Variants in MAP3K21 observed in about 807,000 individuals in gnomAD.
MAP3K21 encodes mitogen-activated protein kinase kinase kinase 21.
In MAP3K21, 63 loss-of-function variants were observed where a neutral mutation model predicts 86.1. The ratio of observed to expected loss-of-function variants is 0.73; its 90% CI spans 0.60 to 0.90. The LOEUF (loss-of-function observed/expected upper bound fraction) is 0.90. MAP3K21 is among the 40% of genes least tolerant of loss of function. The pLI, the probability that MAP3K21 is intolerant of heterozygous loss-of-function variation, is 0.00. For missense variants in MAP3K21, 1,220 were observed against 1,367.7 expected (o/e 0.89, Z 1.70); for synonymous variants, 558 against 564.8 (o/e 0.99, Z 0.17).
chr1:233,380,610 A>G (rs562003376), intron 9 of MAP3K21, among the ~76,000 whole-genome samples: 2 of 152,362 alleles, frequency 1.3e-5, no homozygotes, highest in South Asian at 4.1e-4. Flanking sequence ...AATCTCTGAA[A>G]GAAAAGAAAA....
chr1:233,342,295 C>G (rs758560505), intron 1 of MAP3K21, among the ~76,000 whole-genome samples: 1 of 152,194 alleles, frequency 6.6e-6, no homozygotes, highest in Non-Finnish European at 1.5e-5. Flanking sequence ...GCCCTTTGAT[C>G]TTGGATAACA....
At position 233,328,725 on chromosome 1, in the gene MAP3K21, C is replaced by G. The variant is rs566862424; in HGVS notation, c.697C>G (p.Pro233Ala). 8 of 1,431,050 alleles carry G rather than the reference C, an allele frequency of 5.6e-6. No individual in the cohort carries two copies. The highest frequency in any genetic ancestry group is 6.5e-6 in the Non-Finnish European group (7 of 1,084,664). The allele number at this position is 1,431,050 out of a possible 1,614,324, so 88.6% of individuals were successfully genotyped here. A position where few individuals can be genotyped will look rare whatever the true frequency, so the allele number is the denominator to read the frequency against. The part of the protein sequence containing the change: ...APGPRRARRI[P>A]PHVLVNWAVQ... ...CGGCCCCCGCCGCGCGCGCCGCATC[C>G]CTCCGCACGTGCTGGTCAACTGGGC... The change falls in exon 1 of 10, where the codon CCT (proline) becomes GCT (alanine). Residue 233 changes from proline to alanine, a missense_variant. Physicochemically the swap from Pro to Ala is conservative, Grantham distance 27 (BLOSUM62 -1). Around this residue, in one of 5 missense-constraint regions of MAP3K21, gnomAD observed 369 missense variants for 385.3 expected, o/e 0.96. Transcript: ENST00000366624. The surrounding 1 kb of genome is among the most constrained non-coding windows in gnomAD (Gnocchi z 8.7).
At chr1:233,356,206 T>C (rs1006812333) in intron 4 of MAP3K21, among the ~76,000 whole-genome samples, 14 of 152,220 alleles carry the variant, frequency 9.2e-5, no homozygotes, top group African/African-American at 3.4e-4. Flanking sequence ...TCAGAGTGTC[T>C]TGTGCTTCTC....
intron 5 of MAP3K21, among the ~76,000 whole-genome samples, chr1:233,371,806 A>C (rs1347779833): frequency 1.3e-5 from 2 of 150,728 alleles, no homozygotes; most frequent in Non-Finnish European, 2.9e-5. Flanking sequence ...TATATCCAAC[A>C]TATAAGCTCT....
At chr1:233,381,682 T>C (rs1244864431) in intron 9 of MAP3K21, among the ~76,000 whole-genome samples, 1 of 152,242 alleles carries the variant, frequency 6.6e-6, no homozygotes, top group Non-Finnish European at 1.5e-5. Context: ...GGAGAAATTC[T>C]AGCACAGTAA....
intron 2 of MAP3K21, among the ~76,000 whole-genome samples, chr1:233,347,150 C>T (rs1203154976): frequency 6.6e-6 from 1 of 152,168 alleles, no homozygotes; most frequent in Non-Finnish European, 1.5e-5. Flanking sequence ...CCACCTCAGC[C>T]TCTCAAAGTG....
chr1:233,329,620 C>T (rs537889879), intron 1 of MAP3K21, among the ~76,000 whole-genome samples: 1 of 151,936 alleles, frequency 6.6e-6, no homozygotes, highest in Non-Finnish European at 1.5e-5. Flanking sequence ...CGCCACTGCA[C>T]TCCAGCCTAG....
At chr1:233,361,550 C>A (rs945153863) in intron 4 of MAP3K21, among the ~76,000 whole-genome samples, 1 of 152,148 alleles carries the variant, frequency 6.6e-6, no homozygotes, top group Non-Finnish European at 1.5e-5. Flanking sequence ...GTTGTAAATA[C>A]CCTAAAGAAA....
chr1:233,354,052 A>G, intron 3 of MAP3K21, 97 bp downstream of exon 3: 1 of 1,296,572 alleles, frequency 7.7e-7, no homozygotes, highest in Admixed American at 2.8e-5. Context: ...TGTGACTCTA[A>G]TTTCCAAGTA....
chr1:233,332,023 A>G (rs1662815591), intron 1 of MAP3K21, among the ~76,000 whole-genome samples: 1 of 152,192 alleles, frequency 6.6e-6, no homozygotes, highest in South Asian at 2.1e-4. Flanking sequence ...CCCAGAGAAC[A>G]ATACAAGGCA....
chr1:233,352,267 C>T (rs1052691752), intron 2 of MAP3K21, among the ~76,000 whole-genome samples: 9 of 152,062 alleles, frequency 5.9e-5, no homozygotes, highest in African/African-American at 1.2e-4. Flanking sequence ...GTGTGGTGAT[C>T]GGATCAGGGT....
intron 1 of MAP3K21, among the ~76,000 whole-genome samples, chr1:233,343,637 A>T (rs79036966): frequency 1.3e-4 from 20 of 152,218 alleles, no homozygotes; most frequent in Non-Finnish European, 2.5e-4. Flanking sequence ...AAATGAGTAC[A>T]TAGTGGTTAG....
chr1:233,379,342 G>A lies in MAP3K21; in HGVS notation c.2336G>A (p.Ser779Asn), dbSNP rs138819328. The change falls in exon 9 of 10, where the codon AGC becomes AAC. Residue 779 changes from serine to asparagine, a missense_variant. Around this residue, in one of 5 missense-constraint regions of MAP3K21, gnomAD observed 632 missense variants for 691.3 expected, o/e 0.91. Coordinates refer to ENST00000366624, the MANE Select transcript of MAP3K21 (RefSeq NM_032435.3). ...KSRRSASPPT[S>N]LPSTCGEASS... Reference sequence around the variant, plus strand: ...CGCAGAAGCGCCAGTCCTCCCACAAGCCTGCCATCCACCTGTGGGGAGGCC... The same window carrying A: ...CGCAGAAGCGCCAGTCCTCCCACAAACCTGCCATCCACCTGTGGGGAGGCC... 1.9e-5 allele frequency: 30 copies of A among 1,614,038 alleles called. No individual in the cohort carries two copies. In the African/African-American group the frequency reaches 4.0e-4, roughly 22 times the overall value.
intron 9 of MAP3K21, among the ~76,000 whole-genome samples, chr1:233,379,985 G>A (rs916141220): frequency 3.3e-5 from 5 of 152,134 alleles, no homozygotes; most frequent in South Asian, 2.1e-4. Flanking sequence ...GCCCCCTCAC[G>A]TTACGGGAAA....
intron 1 of MAP3K21, among the ~76,000 whole-genome samples, chr1:233,343,211 A>C (rs1201324862): frequency 6.6e-6 from 1 of 152,210 alleles, no homozygotes; most frequent in East Asian, 1.9e-4. Flanking sequence ...AGCCTTGAAA[A>C]AGAGGCAGGA....
chr1:233,333,948 C>T (rs542053738), intron 1 of MAP3K21, among the ~76,000 whole-genome samples: 2 of 152,260 alleles, frequency 1.3e-5, no homozygotes, highest in East Asian at 1.9e-4. Flanking sequence ...CTGCAAGCTC[C>T]GTCTCCCGGG....
At chr1:233,346,072 CA>C (rs1399327844) in intron 1 of MAP3K21, among the ~76,000 whole-genome samples, 1 of 152,214 alleles carries the variant, frequency 6.6e-6, no homozygotes, top group African/African-American at 2.4e-5. Context: ...TTCTCCACTT[CA>C]GTAGAAAACA....
intron 4 of MAP3K21, among the ~76,000 whole-genome samples, chr1:233,357,020 C>T (rs1264346303): frequency 1.3e-5 from 2 of 152,184 alleles, no homozygotes; most frequent in Admixed American, 6.5e-5. Context: ...CCTGTAATCC[C>T]AGTGCTTTGG....
Position 233,328,262 on chromosome 1 carries a change from G to A in MAP3K21, c.234G>A (p.Glu78=). The A allele has an allele frequency of 6.7e-7, 1 of 1,490,530 alleles. No homozygotes were observed. Among genetic ancestry groups the A allele is most frequent in the Non-Finnish European group, 8.9e-7 (1 of 1,128,248 alleles). 92.3% of individuals were successfully genotyped at this position (1,490,530 alleles called of 1,614,324 possible). A position where few individuals can be genotyped will look rare whatever the true frequency, so the allele number is the denominator to read the frequency against. The change falls in exon 1 of 10, where the codon GAG becomes GAA. Residue 78 remains glutamate (E), a synonymous_variant. Transcript: ENST00000366624. This position sits in a 1 kb window ranked among gnomAD's most constrained non-coding sequence, Gnocchi z 8.7. ...LSQDAAVSGD[E]GWWAGQVQRR... ...AGGACGCCGCCGTGTCGGGCGACGA[G>A]GGCTGGTGGGCAGGCCAGGTGCAGC... is the stretch of plus-strand genomic sequence containing the variant.
Sources: gnomAD v4.1 joint callset for allele counts (sites outside exome capture counted in the v4.1 genomes callset) on GRCh38, gnomAD v4.1.1 for gene constraint, gnomAD v4.1.1 regional missense constraint, Gnocchi (gnomAD v3.1) non-coding constraint, MANE v1.5 for transcripts, NCBI Gene and HGNC (gene_info 2026-07-23, HGNC 2026-07-21) for gene names.